Variants in CD99 observed in about 807,000 individuals in gnomAD.
CD99 encodes the protein CD99 antigen.
In CD99, 19 loss-of-function variants were observed where a neutral mutation model predicts 28.4. The observed-to-expected ratio is 0.67, with a 90% CI of 0.47 to 0.98. The LOEUF is 0.98. CD99 is among the 50% of genes least tolerant of loss of function. The pLI, the probability that CD99 is intolerant of heterozygous loss-of-function variation, is 0.00. For missense variants in CD99, 283 were observed against 248.8 expected (o/e 1.14, Z -0.92); for synonymous variants, 103 against 92.1 (o/e 1.12, Z -0.67).
At chrX:2,693,058 A>G (rs1180114766) in intron 1 of CD99, among the ~76,000 whole-genome samples, 2 of 152,140 alleles carry the variant, frequency 1.3e-5, no homozygotes, top group Non-Finnish European at 1.5e-5. Context: ...CTGGCGTTCC[A>G]GGTCATTGGA....
chrX:2,702,760 A>G (rs1232721727), intron 1 of CD99, among the ~76,000 whole-genome samples: 2 of 152,022 alleles, frequency 1.3e-5, no homozygotes, highest in African/African-American at 4.8e-5. Flanking sequence ...GTTCATGCAC[A>G]GAACGGCAAA....
At position 2,740,947 on chromosome X, in the gene CD99, G is replaced by A; in HGVS notation, c.*143G>A. ...ATTCTTTGTTTTAATCTTGCGATGT[G>A]CTTTGCTTGTTGCTGGGCGGATGAT... On this transcript the variant is annotated 3_prime_UTR_variant, in exon 10 of 10. Transcript: ENST00000381192. 1.1e-6 allele frequency: 1 copy of A among 936,810 alleles called. No homozygotes were observed. Among genetic ancestry groups the A allele is most frequent in the Non-Finnish European group, 1.7e-6 (1 of 573,440 alleles). 58.0% of individuals were successfully genotyped at this position (936,810 alleles called of 1,614,324 possible).
intron 5 of CD99, among the ~76,000 whole-genome samples, 196 bp downstream of exon 5, chrX:2,720,620 C>CTTTTTT (rs71281938): frequency 2.6e-4 from 22 of 83,926 alleles, no homozygotes; most frequent in South Asian, 4.3e-4. Context: ...TTTTAGTTTG[C>CTTTTTT]TTTTTTTTTT....
rs368858398 is a variant in CD99 at position 2,706,597 on chromosome X, G to C, written c.68-7825G>C. On this transcript the variant is annotated intron_variant, in intron 1 of 9. Coordinates refer to ENST00000381192, the MANE Select transcript of CD99 (RefSeq NM_002414.5). ...AACACCCTGGGGTGATGCTGGGGCT[G>C]AGTGAATTGGACATTTTTCAGCAGG... Among the ~76,000 whole-genome samples, 6 of 152,216 alleles carry C rather than the reference G, an allele frequency of 3.9e-5. No individual in the cohort carries two copies. The East Asian group carries it at 1.2e-3, about 30-fold the overall frequency.
At chrX:2,731,064 G>C (rs1300388657) in intron 8 of CD99, among the ~76,000 whole-genome samples, 1 of 152,126 alleles carries the variant, frequency 6.6e-6, no homozygotes, top group Non-Finnish European at 1.5e-5. Context: ...ATTATAAAAT[G>C]AGTTTAATAT....
At chrX:2,720,247 A>C in intron 4 of CD99, 109 bp from the exon 5 acceptor site, 2 of 970,086 alleles carry the variant, frequency 2.1e-6, no homozygotes, top group Admixed American at 3.5e-5. Context: ...CCACCAGGAC[A>C]AAGGCCAAGG....
intron 1 of CD99, among the ~76,000 whole-genome samples, chrX:2,711,530 G>A (rs931151443): frequency 2.2e-4 from 33 of 151,772 alleles, no homozygotes; most frequent in African/African-American, 7.3e-4. Flanking sequence ...AGCACCATTC[G>A]GAGTAGCCAA....
In CD99 at chrX:2,698,856, G is replaced by A. The variant is rs765597160; in HGVS notation, c.67+7429G>A. On this transcript the variant is annotated intron_variant, in intron 1 of 9. Transcript: ENST00000381192. ...AGGTTCTCAGCTTTGGCCCCATTGC[G>A]GGAAGCTTGGAAACGTCACTCTTGC... Among the ~76,000 whole-genome samples the A allele has an allele frequency of 4.1e-4, 63 of 152,184 alleles. 1 individual carries two copies. The highest frequency in any genetic ancestry group is 3.4e-3 in the Admixed American group (52 of 15,284).
At chrX:2,733,096 T>C (rs1234430188) in intron 8 of CD99, among the ~76,000 whole-genome samples, 2 of 150,658 alleles carry the variant, frequency 1.3e-5, no homozygotes, top group African/African-American at 4.9e-5. Flanking sequence ...CTCCCATCCC[T>C]TCTTCCTGCT....
intron 1 of CD99, chrX:2,691,705 AT>A (rs1227652807): frequency 1.4e-6 from 1 of 705,162 alleles, no homozygotes; most frequent in African/African-American, 1.8e-5. Context: ...GGTGCGTCCG[AT>A]TTTTCCCAAT....
In CD99 at chrX:2,726,857, G is replaced by A. The variant is rs766997244; in HGVS notation, c.475+484G>A. The stretch of plus-strand genomic sequence containing the variant: ...TTAAGTTAAAAGCCGGCACAAGGCC[G>A]GACATGGTGGCTCACACCTGTAATC... On this transcript the variant is annotated intron_variant, in intron 8 of 9. Transcript: ENST00000381192. 1.7e-3 allele frequency among the ~76,000 whole-genome samples: 266 copies of A among 152,286 alleles called. 2 individuals are homozygous for A. Among genetic ancestry groups the A allele is most frequent in the African/African-American group, 6.1e-3 (255 of 41,574 alleles).
chrX:2,691,931 G>GA (rs376559821), intron 1 of CD99: 7 of 777,128 alleles, frequency 9.0e-6, no homozygotes, highest in African/African-American at 6.8e-5. Context: ...GGAAAAGTTA[G>GA]AAAAAAACTT....
chrX:2,710,265 C>T lies in CD99; in HGVS notation c.68-4157C>T, dbSNP rs151101346. Among the ~76,000 whole-genome samples the T allele has an allele frequency of 6.8e-3, 1,036 of 152,204 alleles. 9 individuals carry two copies. Among genetic ancestry groups the T allele is most frequent in the African/African-American group, 0.024 (999 of 41,526 alleles). On this transcript the variant is annotated intron_variant, in intron 1 of 9. Coordinates refer to ENST00000381192, the MANE Select transcript of CD99 (RefSeq NM_002414.5). ...GGAGTTTCCTGGGTTCTGCTGTGAG[C>T]GAGGAGTGGGAGAAGACAAGACTCT...
At chrX:2,699,621 CA>C (rs1261781970) in intron 1 of CD99, among the ~76,000 whole-genome samples, 1 of 152,106 alleles carries the variant, frequency 6.6e-6, no homozygotes, top group Non-Finnish European at 1.5e-5. Context: ...CACGCCCAGC[CA>C]AATTTTTCAT....
intron 1 of CD99, among the ~76,000 whole-genome samples, chrX:2,703,506 G>A (rs2047967814): frequency 6.6e-6 from 1 of 152,090 alleles, no homozygotes; most frequent in African/African-American, 2.4e-5. Context: ...ATTTACGTGG[G>A]AGCAATAGTT....
At chrX:2,717,094 C>T (rs1724387281) in intron 2 of CD99, among the ~76,000 whole-genome samples, 1 of 152,110 alleles carries the variant, frequency 6.6e-6, no homozygotes, top group South Asian at 2.1e-4. Flanking sequence ...AGCCTGTCAT[C>T]CCAGCACTTT....
At chrX:2,709,697 A>ACATAGACACACACATGCATGT in intron 1 of CD99, among the ~76,000 whole-genome samples, 1 of 151,930 alleles carries the variant, frequency 6.6e-6, no homozygotes, top group South Asian at 2.1e-4. Context: ...CACATGCATG[A>ACATAGACACACACATGCATGT]ACATAGACAC....
chrX:2,722,880 G>C (rs1192289987), intron 6 of CD99, among the ~76,000 whole-genome samples: 1 of 152,200 alleles, frequency 6.6e-6, no homozygotes, highest in Non-Finnish European at 1.5e-5. Flanking sequence ...GGTCCTCGGA[G>C]AAGAGTTCAG....
At chrX:2,738,145 G>A (rs1355265745) in intron 8 of CD99, 55 bp from the exon 9 acceptor site, 1 of 1,496,360 alleles carries the variant, frequency 6.7e-7, no homozygotes. Context: ...TGTATTTTGA[G>A]GAGTGGGTTA....
Sources: gnomAD v4.1 joint callset for allele counts (sites outside exome capture counted in the v4.1 genomes callset) on GRCh38, gnomAD v4.1.1 for gene constraint, MANE v1.5 for transcripts, NCBI Gene and HGNC (gene_info 2026-07-23, HGNC 2026-07-21) for gene names.